The following ADAM12 variants were observed in gnomAD, a reference collection of about 807,000 sequenced individuals.
The protein encoded by ADAM12 is ADAM metallopeptidase domain 12, also known as disintegrin and metalloproteinase domain-containing protein 12.
Under a neutral mutation model 106.4 loss-of-function variants are expected in ADAM12, and 70 were observed. The observed-to-expected ratio is 0.66, with a 90% CI of 0.54 to 0.80. The LOEUF is 0.80. Ranked by LOEUF, ADAM12 falls within the 30% of genes least tolerant of loss-of-function variation. ADAM12 has a pLI of 0.00. For missense variants in ADAM12, 1,010 were observed against 1,171.9 expected (o/e 0.86, Z 2.02); for synonymous variants, 420 against 433.5 (o/e 0.97, Z 0.39).
At chr10:126,256,920 AATG>A (rs35511415) in intron 3 of ADAM12, among the ~76,000 whole-genome samples, 1 of 97,154 alleles carries the variant, frequency 1.0e-5, no homozygotes, top group South Asian at 3.0e-4. Context: ...TAATAATAAT[AATG>A]ATGATGATGA....
intron 3 of ADAM12, among the ~76,000 whole-genome samples, chr10:126,168,374 C>T (rs1218773442): frequency 1.3e-5 from 2 of 152,128 alleles, no homozygotes; most frequent in East Asian, 1.9e-4. Flanking sequence ...ATATGAAATC[C>T]GACCTCATGC....
chr10:126,164,488 ATTTCT>A (rs1956991258), intron 3 of ADAM12, among the ~76,000 whole-genome samples: 1 of 152,184 alleles, frequency 6.6e-6, no homozygotes, highest in African/African-American at 2.4e-5. Flanking sequence ...TGGGTAATGG[ATTTCT>A]TTTATTAGAA....
At chr10:126,355,280 C>T (rs1442227513) in intron 1 of ADAM12, among the ~76,000 whole-genome samples, 2 of 152,094 alleles carry the variant, frequency 1.3e-5, no homozygotes, top group Non-Finnish European at 2.9e-5. Context: ...TTAATAAATC[C>T]AAGACTAAAT....
At chr10:126,248,126 G>A (rs1958665068) in intron 3 of ADAM12, among the ~76,000 whole-genome samples, 1 of 152,150 alleles carries the variant, frequency 6.6e-6, no homozygotes, top group Non-Finnish European at 1.5e-5. Flanking sequence ...AGGCCTCAGT[G>A]TCCTCATCTG....
At chr10:126,089,358 G>A (rs1169781228) in intron 11 of ADAM12, among the ~76,000 whole-genome samples, 1 of 152,124 alleles carries the variant, frequency 6.6e-6, no homozygotes, top group Non-Finnish European at 1.5e-5. Context: ...GATGAGCACC[G>A]AGTGTGCTGG....
At chr10:126,172,857 C>A (rs1266047649) in intron 3 of ADAM12, among the ~76,000 whole-genome samples, 2 of 152,126 alleles carry the variant, frequency 1.3e-5, no homozygotes, top group Admixed American at 6.5e-5. Flanking sequence ...GGAACCAACC[C>A]AAATGCCCAT....
intron 2 of ADAM12, among the ~76,000 whole-genome samples, chr10:126,297,094 T>G (rs1489075682): frequency 2.0e-5 from 3 of 152,252 alleles, no homozygotes; most frequent in African/African-American, 7.2e-5. Context: ...ACAGTTTTCC[T>G]ACTCCTTAAA....
intron 3 of ADAM12, among the ~76,000 whole-genome samples, chr10:126,201,551 C>T (rs1957701285): frequency 6.6e-6 from 1 of 152,164 alleles, no homozygotes; most frequent in Non-Finnish European, 1.5e-5. Context: ...TTTAGGATTT[C>T]TGCCTTCCAG....
intron 14 of ADAM12, among the ~76,000 whole-genome samples, chr10:126,063,877 G>C (rs574131945): frequency 2.0e-5 from 3 of 152,288 alleles, no homozygotes; most frequent in South Asian, 4.1e-4. Context: ...AGACACGCAG[G>C]GGATGGATTC....
At chr10:126,355,796 G>A (rs1249124962) in intron 1 of ADAM12, among the ~76,000 whole-genome samples, 1 of 152,168 alleles carries the variant, frequency 6.6e-6, no homozygotes, top group Non-Finnish European at 1.5e-5. Flanking sequence ...AGGAGACAGG[G>A]CCCACAGCAG....
chr10:126,278,711 A>G (rs1297125953), intron 3 of ADAM12, among the ~76,000 whole-genome samples: 1 of 152,240 alleles, frequency 6.6e-6, no homozygotes, highest in Non-Finnish European at 1.5e-5. Flanking sequence ...GTTGAGTTAT[A>G]AAGTTCCTTA....
At chr10:126,093,543 C>T (rs569533914) in intron 11 of ADAM12, among the ~76,000 whole-genome samples, 42 of 152,346 alleles carry the variant, frequency 2.8e-4, no homozygotes, top group South Asian at 8.3e-4. Context: ...GAAATACCTT[C>T]TACCCAGCAC....
intron 11 of ADAM12, among the ~76,000 whole-genome samples, chr10:126,091,606 TG>T (rs1278624389): frequency 1.2e-5 from 1 of 84,970 alleles, no homozygotes; most frequent in African/African-American, 2.9e-5. Flanking sequence ...CCCCTGGTAA[TG>T]GGGGAAAAAA....
chr10:126,388,219 CG>C lies in ADAM12; in HGVS notation c.-75del. 2 of 1,192,344 alleles carry C rather than the reference CG, an allele frequency of 1.7e-6. No homozygotes were observed. Among genetic ancestry groups the C allele is most frequent in the Non-Finnish European group, 2.1e-6 (2 of 962,384 alleles). 73.9% of individuals were successfully genotyped at this position (1,192,344 alleles called of 1,614,324 possible). A position where few individuals can be genotyped will look rare whatever the true frequency, so the allele number is the denominator to read the frequency against. ...GCACCATCCCACGCGGGCGCCGAGC[CG>C]GGGCCGGGCGTCGCGACCGGAGGGA... On this transcript the variant is annotated 5_prime_UTR_variant, in exon 1 of 23. Transcript: ENST00000448723. This position sits in a 1 kb window ranked among gnomAD's most constrained non-coding sequence, Gnocchi z 4.4.
chr10:126,367,897 T>C (rs1287253533), intron 1 of ADAM12, among the ~76,000 whole-genome samples: 5 of 151,842 alleles, frequency 3.3e-5, no homozygotes, highest in Non-Finnish European at 5.9e-5. Context: ...TTTCACAAAA[T>C]ACAGAAAGTG....
At chr10:126,097,277 C>T (rs1453001613) in intron 10 of ADAM12, among the ~76,000 whole-genome samples, 2 of 152,266 alleles carry the variant, frequency 1.3e-5, no homozygotes, top group Admixed American at 1.3e-4. Context: ...TGCCAAGGAC[C>T]TGCCATGGTG....
intron 9 of ADAM12, among the ~76,000 whole-genome samples, 179 bp from the exon 10 acceptor site, chr10:126,098,679 G>A (rs532706157): frequency 9.2e-5 from 14 of 152,176 alleles, no homozygotes; most frequent in African/African-American, 3.1e-4. Context: ...CTGCAGTTGC[G>A]TCATGGTTCT....
At chr10:126,110,358 C>T (rs184154321) in intron 6 of ADAM12, among the ~76,000 whole-genome samples, 1 of 151,884 alleles carries the variant, frequency 6.6e-6, no homozygotes, top group Admixed American at 6.6e-5. Context: ...TGAACAGGAA[C>T]TGTATAATCA....
At chr10:126,312,202 G>A (rs1396911503) in intron 2 of ADAM12, among the ~76,000 whole-genome samples, 2 of 151,440 alleles carry the variant, frequency 1.3e-5, no homozygotes, top group East Asian at 3.9e-4. Flanking sequence ...ACCACGGTTT[G>A]CATTTTCTGT....
Sources: allele counts gnomAD v4.1 joint callset (sites outside exome capture counted in the v4.1 genomes callset), GRCh38; gene constraint gnomAD v4.1.1; non-coding constraint Gnocchi (gnomAD v3.1); transcripts MANE v1.5; gene names NCBI Gene and HGNC (gene_info 2026-07-23, HGNC 2026-07-21).